The following ANKRD55 variants were observed in gnomAD, a reference collection of about 807,000 sequenced individuals.
ANKRD55 encodes the protein ankyrin repeat domain 55.
In ANKRD55, 41 loss-of-function variants were observed where a neutral mutation model predicts 60.6. The observed-to-expected ratio is 0.68, with a 90% CI of 0.53 to 0.88. The LOEUF is 0.88. Ranked by LOEUF, ANKRD55 falls within the 40% of genes least tolerant of loss-of-function variation. ANKRD55 has a pLI of 0.00. For missense variants in ANKRD55, 732 were observed against 767.6 expected (o/e 0.95, Z 0.55); for synonymous variants, 264 against 290.3 (o/e 0.91, Z 0.92).
chr5:56,100,351 A>G (rs746881715), intron 11 of ANKRD55, 47 bp from the exon 12 acceptor site: 4 of 1,611,236 alleles, frequency 2.5e-6, no homozygotes, highest in African/African-American at 2.7e-5. Flanking sequence ...TTGCTTCTCT[A>G]ACAGGAAGGC....
At chr5:56,161,878 T>G in intron 5 of ANKRD55, 1 of 671,138 alleles carries the variant, frequency 1.5e-6, no homozygotes, top group South Asian at 6.7e-5. Context: ...GGAAGACATA[T>G]AAAAATAATT....
rs544418112 is a variant in ANKRD55, at chr5:56,217,985, T to A, written c.58+14871A>T. Among the ~76,000 whole-genome samples the A allele has an allele frequency of 4.9e-4, 74 of 152,020 alleles. 1 individual carries two copies. In the South Asian group the frequency reaches 9.0e-3, roughly 18 times the overall value. ...GAGTTTTGAAGAAGTCTTAGAGGAGTTCAGAACTTCAGTAGAGGAAGTAAC... is the reference window on the plus strand; with the variant it reads ...GAGTTTTGAAGAAGTCTTAGAGGAGATCAGAACTTCAGTAGAGGAAGTAAC... On this transcript the variant is annotated intron_variant, in intron 2 of 11. Transcript: ENST00000341048.
chr5:56,159,145 C>T (rs1227203035), intron 6 of ANKRD55, among the ~76,000 whole-genome samples: 1 of 152,222 alleles, frequency 6.6e-6, no homozygotes, highest in Non-Finnish European at 1.5e-5. Context: ...ACTACACCCA[C>T]CTCTCTGCCA....
chr5:56,161,482 T>C (rs147044943), intron 5 of ANKRD55, among the ~76,000 whole-genome samples: 12 of 152,374 alleles, frequency 7.9e-5, no homozygotes, highest in African/African-American at 2.2e-4. Context: ...TATTAAATTG[T>C]TACTTGCAAT....
chr5:56,209,455 T>C (rs1455541683), intron 2 of ANKRD55, among the ~76,000 whole-genome samples: 2 of 149,120 alleles, frequency 1.3e-5, no homozygotes, highest in African/African-American at 5.1e-5. Context: ...AAAACATTTT[T>C]ACATGTATAT....
intron 3 of ANKRD55, among the ~76,000 whole-genome samples, chr5:56,183,059 T>G (rs1161259035): frequency 1.3e-5 from 2 of 152,212 alleles, no homozygotes; most frequent in African/African-American, 2.4e-5. Flanking sequence ...CACCATGTCA[T>G]TCCTTGAGTC....
Position 56,136,372 on chromosome 5 carries a change from G to C in ANKRD55, c.612+7429C>G, listed in dbSNP as rs1757598721. Reference sequence around the variant, plus strand: ...CTTTAAGACTTACTATAAAGCTACAGTAATCAAGATAGTGTGATACTGGCA... The same window carrying C: ...CTTTAAGACTTACTATAAAGCTACACTAATCAAGATAGTGTGATACTGGCA... On this transcript the variant is annotated intron_variant, in intron 7 of 11. Coordinates refer to ENST00000341048, the MANE Select transcript of ANKRD55 (RefSeq NM_024669.3). Among the ~76,000 whole-genome samples the C allele has an allele frequency of 2.0e-5, 3 of 152,176 alleles. No homozygotes were observed. The South Asian group carries it at 6.2e-4, about 31-fold the overall frequency.
intron 2 of ANKRD55, among the ~76,000 whole-genome samples, chr5:56,215,084 C>A (rs1205323205): frequency 6.8e-6 from 1 of 146,422 alleles, no homozygotes; most frequent in African/African-American, 2.5e-5. Flanking sequence ...TGAAAGAATT[C>A]TTTTTTTTTT....
At chr5:56,119,188 GACAA>G (rs1756969090) in intron 8 of ANKRD55, among the ~76,000 whole-genome samples, 1 of 152,142 alleles carries the variant, frequency 6.6e-6, no homozygotes, top group Non-Finnish European at 1.5e-5. Context: ...TGGGTGAATG[GACAA>G]ACAAACTGTG....
At chr5:56,227,342 G>A (rs1429887746) in intron 2 of ANKRD55, among the ~76,000 whole-genome samples, 2 of 133,420 alleles carry the variant, frequency 1.5e-5, no homozygotes, top group African/African-American at 5.6e-5. Flanking sequence ...CTGTTGTGGG[G>A]TAGGGGGAGG....
Position 56,203,328 on chromosome 5 carries a change from G to T in ANKRD55, c.59-19694C>A, listed in dbSNP as rs148110937. 4.7e-3 allele frequency among the ~76,000 whole-genome samples: 711 copies of T among 152,002 alleles called. 6 individuals carry two copies. The highest frequency in any genetic ancestry group is 7.2e-3 in the Non-Finnish European group (489 of 67,964). On this transcript the variant is annotated intron_variant, in intron 2 of 11. Coordinates refer to ENST00000341048, the MANE Select transcript of ANKRD55 (RefSeq NM_024669.3). ...TAGTGAGTTCTCATGAGATCTGATG[G>T]TTTTTTTAAAATTTAATTTAATTTT... is the stretch of plus-strand genomic sequence containing the variant.
At chr5:56,194,987 G>A (rs1449504959) in intron 2 of ANKRD55, among the ~76,000 whole-genome samples, 1 of 152,142 alleles carries the variant, frequency 6.6e-6, no homozygotes, top group Non-Finnish European at 1.5e-5. Context: ...ATCTAAGGTG[G>A]CTATTAGTTA....
chr5:56,134,458 A>G lies in ANKRD55; in HGVS notation c.613-7352T>C, dbSNP rs545055211. Among the ~76,000 whole-genome samples, 209 of 111,436 alleles carry G rather than the reference A, an allele frequency of 1.9e-3. 58 individuals are homozygous for G. The highest frequency in any genetic ancestry group is 3.5e-3 in the Non-Finnish European group (168 of 47,580). 73.1% of individuals were successfully genotyped at this position (111,436 alleles called of 152,430 possible). ...GCCTGGCGTGGTGGCAGGCGCCTGT[A>G]ATCCCAGCTACTTGGGAAGCTGGGG... is the stretch of plus-strand genomic sequence containing the variant. On this transcript the variant is annotated intron_variant, in intron 7 of 11. Coordinates refer to ENST00000341048, the MANE Select transcript of ANKRD55 (RefSeq NM_024669.3).
At chr5:56,170,108 CCT>C (rs761810066) in intron 5 of ANKRD55, among the ~76,000 whole-genome samples, 3 of 152,196 alleles carry the variant, frequency 2.0e-5, no homozygotes, top group Non-Finnish European at 4.4e-5. Context: ...CTTCTAACCC[CCT>C]GATCTCCCTG....
intron 3 of ANKRD55, 36 bp downstream of exon 3, chr5:56,183,476 A>G: frequency 2.5e-6 from 4 of 1,611,062 alleles, no homozygotes; most frequent in Middle Eastern, 3.3e-4. Context: ...AAAATAGAGC[A>G]GAACATTCTG....
intron 7 of ANKRD55, among the ~76,000 whole-genome samples, chr5:56,142,444 C>T (rs1426887799): frequency 1.3e-5 from 2 of 152,176 alleles, no homozygotes; most frequent in Non-Finnish European, 2.9e-5. Context: ...CTGGTGATTC[C>T]ATCGCAAGGC....
chr5:56,206,217 T>G (rs1219290829), intron 2 of ANKRD55, among the ~76,000 whole-genome samples: 1 of 152,024 alleles, frequency 6.6e-6, no homozygotes, highest in Non-Finnish European at 1.5e-5. Context: ...GCTCAAGTGA[T>G]TTTCCTCCCT....
intron 9 of ANKRD55, among the ~76,000 whole-genome samples, chr5:56,111,984 C>T (rs1378817494): frequency 6.6e-6 from 1 of 152,196 alleles, no homozygotes; most frequent in Non-Finnish European, 1.5e-5. Context: ...AGGCTCTTTA[C>T]CATGGGCAGT....
intron 2 of ANKRD55, among the ~76,000 whole-genome samples, chr5:56,225,796 C>A (rs1182741083): frequency 6.6e-6 from 1 of 152,136 alleles, no homozygotes; most frequent in Non-Finnish European, 1.5e-5. Context: ...AGGACCTCTT[C>A]AAGGAGAATT....
Sources: gnomAD v4.1 joint callset for allele counts (sites outside exome capture counted in the v4.1 genomes callset) on GRCh38, gnomAD v4.1.1 for gene constraint, MANE v1.5 for transcripts, NCBI Gene and HGNC (gene_info 2026-07-23, HGNC 2026-07-21) for gene names.